Variants in FAM13A observed in about 807,000 individuals in gnomAD.
The protein encoded by FAM13A is protein FAM13A.
In FAM13A, 76 loss-of-function variants were observed where a neutral mutation model predicts 129.6. That is an observed-to-expected ratio of 0.59 (90% CI 0.49 to 0.71). The LOEUF (loss-of-function observed/expected upper bound fraction) is 0.71, where lower values mean the gene tolerates loss of function less well. Among genes scored for constraint, FAM13A ranks in the 30% least tolerant of loss-of-function variants. The pLI, the probability that FAM13A is intolerant of heterozygous loss-of-function variation, is 0.00. For missense variants in FAM13A, 1,108 were observed against 1,249.3 expected, an observed-to-expected ratio of 0.89 and a Z score of 1.70; for synonymous variants, 443 against 449.9, an observed-to-expected ratio of 0.98 and a Z score of 0.20.
At chr4:88,951,524 G>A (rs917328969) in intron 4 of FAM13A, among the ~76,000 whole-genome samples, 1 of 152,100 alleles carries the variant, frequency 6.6e-6, no homozygotes, top group East Asian at 1.9e-4. Context: ...GTTTACCAAA[G>A]GTGATTAGGA....
intron 6 of FAM13A, among the ~76,000 whole-genome samples, chr4:88,888,858 C>T (rs1331540548): frequency 6.6e-6 from 1 of 151,318 alleles, no homozygotes; most frequent in African/African-American, 2.4e-5. Context: ...ATGCTGTGAA[C>T]CCGGGAGGCG....
intron 1 of FAM13A, among the ~76,000 whole-genome samples, chr4:89,041,143 G>T (rs538874015): frequency 8.5e-5 from 13 of 152,324 alleles, no homozygotes; most frequent in Admixed American, 2.0e-4. Flanking sequence ...CATACAGTTA[G>T]AAAGAAGGAA....
intron 5 of FAM13A, among the ~76,000 whole-genome samples, chr4:88,923,862 A>G (rs190332204): frequency 6.6e-6 from 1 of 152,310 alleles, no homozygotes; most frequent in East Asian, 1.9e-4. Flanking sequence ...AAGTCTCAGG[A>G]TACAAAATCA....
At chr4:88,852,564 T>TACTGC (rs1355326916) in intron 6 of FAM13A, among the ~76,000 whole-genome samples, 3 of 152,182 alleles carry the variant, frequency 2.0e-5, no homozygotes, top group African/African-American at 7.2e-5. Context: ...TAATCTAAGT[T>TACTGC]TTCTCATGTT....
In FAM13A at chr4:88,834,626, C is replaced by T. The variant is rs186139662; in HGVS notation, c.1007+16394G>A. ...AAATGATAATTCCACAATAATTCTC[C>T]AAAATACTACTTTAAGAAGACAACT... On this transcript the variant is annotated intron_variant, in intron 7 of 23. Coordinates refer to ENST00000264344, the MANE Select transcript of FAM13A (RefSeq NM_014883.4). Among the ~76,000 whole-genome samples, 14 of 152,124 alleles carry T rather than the reference C, an allele frequency of 9.2e-5. No individual in the cohort carries two copies. In the East Asian group the frequency reaches 2.7e-3, roughly 29 times the overall value.
At chr4:88,771,117 T>C (rs1028882591) in intron 11 of FAM13A, among the ~76,000 whole-genome samples, 1 of 149,486 alleles carries the variant, frequency 6.7e-6, no homozygotes, top group African/African-American at 2.5e-5. Context: ...CTTTTGGAAA[T>C]GGAAAATCTG....
At chr4:88,755,981 A>T (rs995286063) in intron 14 of FAM13A, among the ~76,000 whole-genome samples, 1 of 152,246 alleles carries the variant, frequency 6.6e-6, no homozygotes, top group South Asian at 2.1e-4. Context: ...ATTTAATTTC[A>T]TCAGGACATA....
intron 14 of FAM13A, among the ~76,000 whole-genome samples, chr4:88,752,394 TAGGG>T (rs1742802259): frequency 6.6e-6 from 1 of 152,090 alleles, no homozygotes; most frequent in African/African-American, 2.4e-5. Context: ...CCCCATATAA[TAGGG>T]AGGATAAGCA....
intron 5 of FAM13A, among the ~76,000 whole-genome samples, chr4:88,919,014 T>G (rs7685654): frequency 6.6e-6 from 1 of 152,248 alleles, no homozygotes; most frequent in African/African-American, 2.4e-5. Flanking sequence ...ACATTTTGAT[T>G]GTCTTAAGCC....
intron 7 of FAM13A, among the ~76,000 whole-genome samples, chr4:88,821,202 T>C (rs1165306415): frequency 6.6e-6 from 1 of 152,198 alleles, no homozygotes; most frequent in Non-Finnish European, 1.5e-5. Context: ...AAACCTGGTC[T>C]TTACCTTCAG....
intron 6 of FAM13A, among the ~76,000 whole-genome samples, chr4:88,886,669 G>A (rs1488782514): frequency 6.6e-6 from 1 of 151,952 alleles, no homozygotes; most frequent in Non-Finnish European, 1.5e-5. Context: ...CACTTTGGGA[G>A]GCTGAAGTGG....
chr4:88,888,885 G>A (rs547279968), intron 6 of FAM13A, among the ~76,000 whole-genome samples: 4 of 149,078 alleles, frequency 2.7e-5, no homozygotes, highest in South Asian at 2.1e-4. Flanking sequence ...GCAGTGAGCC[G>A]AGATTGTGCC....
chr4:88,893,910 A>C (rs1745854138), intron 6 of FAM13A, among the ~76,000 whole-genome samples: 1 of 152,182 alleles, frequency 6.6e-6, no homozygotes, highest in Non-Finnish European at 1.5e-5. Context: ...ATTGACCCAA[A>C]GTAGTTGACT....
At chr4:88,770,974 T>G (rs1720560667) in intron 11 of FAM13A, among the ~76,000 whole-genome samples, 1 of 152,190 alleles carries the variant, frequency 6.6e-6, no homozygotes, top group South Asian at 2.1e-4. Flanking sequence ...TCTCTAAGGC[T>G]TTTTTGTAAT....
rs571573846 is a variant in FAM13A at position 88,826,541 on chromosome 4, C to CT, written c.1008-21490dup. ...TTGAACCACAATACTGTGTTACAACCTTTTTTATTATCTTTGACTGTTCAC... is the reference window on the plus strand; with the variant it reads ...TTGAACCACAATACTGTGTTACAACCTTTTTTTATTATCTTTGACTGTTCAC... On this transcript the variant is annotated intron_variant, in intron 7 of 23. Transcript: ENST00000264344. Among the ~76,000 whole-genome samples the CT allele has an allele frequency of 2.0e-5, 3 of 152,226 alleles. No homozygotes were observed. In the South Asian group the frequency reaches 6.2e-4, roughly 32 times the overall value.
At chr4:88,806,505 G>C (rs1870339) in intron 7 of FAM13A, among the ~76,000 whole-genome samples, 82,085 of 151,992 alleles carry the variant, frequency 0.54, 22,575 homozygotes, top group East Asian at 0.69. Context: ...AAACAAAATC[G>C]TGTCCTGGAA....
At chr4:88,858,957 T>C (rs535646495) in intron 6 of FAM13A, among the ~76,000 whole-genome samples, 2 of 152,316 alleles carry the variant, frequency 1.3e-5, no homozygotes, top group African/African-American at 4.8e-5. Context: ...ACAGGGCGAA[T>C]AATGAAATCT....
intron 4 of FAM13A, among the ~76,000 whole-genome samples, chr4:88,956,635 T>C (rs1477085789): frequency 1.3e-5 from 2 of 152,216 alleles, no homozygotes; most frequent in African/African-American, 4.8e-5. Context: ...ATTTATTATC[T>C]TGGAGTTCTA....
chr4:88,731,209 G>C (rs1560826308), intron 23 of FAM13A, 118 bp downstream of exon 23: 8 of 609,462 alleles, frequency 1.3e-5, no homozygotes, highest in Non-Finnish European at 1.7e-5. Flanking sequence ...AGGTTACAGG[G>C]AGGATGCAGA....
Sources: gnomAD v4.1 joint callset for allele counts (sites outside exome capture counted in the v4.1 genomes callset) on GRCh38, gnomAD v4.1.1 for gene constraint, MANE v1.5 for transcripts, NCBI Gene and HGNC (gene_info 2026-07-23, HGNC 2026-07-21) for gene names.